The following NRXN1 variants were observed in gnomAD, a reference collection of about 807,000 sequenced individuals.
NRXN1 encodes neurexin-1.
NRXN1 carries 39 observed loss-of-function variants against 150.9 expected under a neutral mutation model. The observed-to-expected ratio is 0.26, with a 90% CI of 0.20 to 0.34. NRXN1 has a LOEUF of 0.34. Among genes scored for constraint, NRXN1 ranks in the 10% least tolerant of loss-of-function variants. The pLI, the probability that NRXN1 is intolerant of heterozygous loss-of-function variation, is 1.00. For missense variants in NRXN1, 1,815 were observed against 1,949.9 expected (o/e 0.93, Z 1.30); for synonymous variants, 924 against 757.0 (o/e 1.22, Z -3.62).
At chr2:50,431,860 C>T (rs2084993688) in intron 17 of NRXN1, among the ~76,000 whole-genome samples, 1 of 152,048 alleles carries the variant, frequency 6.6e-6, no homozygotes, top group Admixed American at 6.6e-5. Context: ...AACCTTCTCC[C>T]TCACTTATCA....
At chr2:50,552,420 GCT>G (rs1667666883) in intron 9 of NRXN1, among the ~76,000 whole-genome samples, 165 bp downstream of exon 9, 1 of 152,118 alleles carries the variant, frequency 6.6e-6, no homozygotes, top group African/African-American at 2.4e-5. Flanking sequence ...TAATTAATTA[GCT>G]CTTTCTTTCA....
intron 5 of NRXN1, chr2:50,898,581 C>A: frequency 2.1e-6 from 1 of 487,516 alleles, no homozygotes; most frequent in Non-Finnish European, 4.1e-6. Flanking sequence ...GGATATTGTG[C>A]TCTTCCTAGG....
intron 17 of NRXN1, among the ~76,000 whole-genome samples, chr2:50,454,056 G>C (rs1456160155): frequency 1.3e-5 from 2 of 152,150 alleles, no homozygotes; most frequent in Non-Finnish European, 2.9e-5. Context: ...GGCCAGGTGA[G>C]GTGGCTCACG....
intron 21 of NRXN1, among the ~76,000 whole-genome samples, chr2:49,989,275 T>C (rs985791211): frequency 3.1e-4 from 47 of 152,322 alleles, no homozygotes; most frequent in African/African-American, 1.0e-3. Context: ...ATCACTGTTT[T>C]ATAGCTTATT....
chr2:50,997,882 T>C (rs2105056323), intron 2 of NRXN1, among the ~76,000 whole-genome samples: 1 of 141,744 alleles, frequency 7.1e-6, no homozygotes, highest in African/African-American at 3.0e-5. Flanking sequence ...ATAAACACTC[T>C]TCCTTAAATA....
chr2:50,106,226 C>T (rs1558890117), intron 18 of NRXN1, among the ~76,000 whole-genome samples: 1 of 151,596 alleles, frequency 6.6e-6, no homozygotes. Context: ...TTCTTTCTCC[C>T]CAAGCTTATA....
chr2:50,329,697 G>C (rs1461025397), intron 17 of NRXN1, among the ~76,000 whole-genome samples: 1 of 114,426 alleles, frequency 8.7e-6, no homozygotes, highest in African/African-American at 3.3e-5. Context: ...CCCCCGAGAC[G>C]GAGTCTCACT....
chr2:50,954,340 T>C (rs1324780959), intron 2 of NRXN1, among the ~76,000 whole-genome samples: 2 of 152,226 alleles, frequency 1.3e-5, no homozygotes, highest in African/African-American at 4.8e-5. Flanking sequence ...TGGACCACCT[T>C]GTATAAACTT....
At chr2:50,731,938 A>C (rs1698156991) in intron 5 of NRXN1, among the ~76,000 whole-genome samples, 1 of 152,158 alleles carries the variant, frequency 6.6e-6, no homozygotes, top group Admixed American at 6.5e-5. Context: ...TTACTGTCAG[A>C]GAAAAGGCAA....
chr2:50,487,844 G>T (rs2090987421), intron 15 of NRXN1, among the ~76,000 whole-genome samples: 2 of 152,140 alleles, frequency 1.3e-5, no homozygotes, highest in African/African-American at 2.4e-5. Flanking sequence ...GTCTGGTTAG[G>T]ACCCTCGCAT....
chr2:50,263,211 GACC>G (rs2068491556), intron 17 of NRXN1, among the ~76,000 whole-genome samples: 1 of 150,484 alleles, frequency 6.6e-6, no homozygotes, highest in Non-Finnish European at 1.5e-5. Flanking sequence ...AACAGCAAAT[GACC>G]TGTTCAGTGT....
intron 5 of NRXN1, among the ~76,000 whole-genome samples, chr2:50,799,677 T>C (rs1438102507): frequency 6.6e-6 from 1 of 152,186 alleles, no homozygotes; most frequent in African/African-American, 2.4e-5. Context: ...AGGCTTTGTA[T>C]TAGATGAATT....
intron 17 of NRXN1, among the ~76,000 whole-genome samples, chr2:50,394,321 G>A (rs1490401954): frequency 6.6e-6 from 1 of 151,982 alleles, no homozygotes; most frequent in Non-Finnish European, 1.5e-5. Flanking sequence ...CAAAACCAAA[G>A]TCTAAAAACA....
intron 2 of NRXN1, among the ~76,000 whole-genome samples, chr2:51,000,562 A>T (rs1405897225): frequency 1.3e-5 from 2 of 151,958 alleles, no homozygotes; most frequent in Non-Finnish European, 2.9e-5. Context: ...CAGGTAAAAA[A>T]TAATGAAACA....
intron 5 of NRXN1, chr2:50,916,753 T>C (rs920347392): frequency 3.3e-5 from 5 of 151,674 alleles, no homozygotes; most frequent in Admixed American, 1.3e-4. Flanking sequence ...AGTTTTTCAA[T>C]GTTATCATTG....
chr2:50,168,557 A>T (rs1409922725), intron 18 of NRXN1, among the ~76,000 whole-genome samples: 1 of 152,182 alleles, frequency 6.6e-6, no homozygotes. Context: ...AGTTTTTTTC[A>T]TCTTACATTT....
At chr2:50,803,209 A>C (rs553220306) in intron 5 of NRXN1, among the ~76,000 whole-genome samples, 6 of 152,362 alleles carry the variant, frequency 3.9e-5, no homozygotes, top group African/African-American at 1.4e-4. Context: ...ATTTTAATTA[A>C]AGAACTACTA....
intron 5 of NRXN1, among the ~76,000 whole-genome samples, chr2:50,841,461 G>C (rs1001490956): frequency 1.3e-5 from 2 of 152,130 alleles, no homozygotes; most frequent in Non-Finnish European, 2.9e-5. Flanking sequence ...ACAAGCAAAG[G>C]CCACTATCAA....
At chr2:50,472,571 G>A in intron 15 of NRXN1, 100 bp from the exon 16 acceptor site, 1 of 886,066 alleles carries the variant, frequency 1.1e-6, no homozygotes, top group African/African-American at 1.8e-5. Flanking sequence ...TTTTCATTAA[G>A]TTAATAAAAA....
Sources: allele counts gnomAD v4.1 joint callset (sites outside exome capture counted in the v4.1 genomes callset), GRCh38; gene constraint gnomAD v4.1.1; transcripts MANE v1.5; gene names NCBI Gene and HGNC (gene_info 2026-07-23, HGNC 2026-07-21).